Variants in PTPRD observed in about 807,000 individuals in gnomAD.
PTPRD encodes the protein protein tyrosine phosphatase receptor type D.
In PTPRD, 34 loss-of-function variants were observed where a neutral mutation model predicts 214.5. The observed-to-expected ratio is 0.16, with a 90% CI of 0.12 to 0.21. The LOEUF (loss-of-function observed/expected upper bound fraction) is 0.21, where lower values mean the gene tolerates loss of function less well. Among genes scored for constraint, PTPRD ranks in the 10% least tolerant of loss-of-function variants. The pLI is 1.00. For missense variants in PTPRD, 2,545 were observed against 2,398.7 expected (o/e 1.06, Z -1.27); for synonymous variants, 1,128 against 845.7 (o/e 1.33, Z -5.79).
intron 7 of PTPRD, among the ~76,000 whole-genome samples, chr9:9,665,705 T>A (rs541481514): frequency 6.6e-6 from 1 of 151,830 alleles, no homozygotes; most frequent in East Asian, 1.9e-4. Flanking sequence ...TTTATTTATA[T>A]CCTTTTTTCC....
intron 8 of PTPRD, among the ~76,000 whole-genome samples, chr9:9,551,246 C>A (rs1349144681): frequency 6.6e-6 from 1 of 151,896 alleles, no homozygotes; most frequent in Non-Finnish European, 1.5e-5. Context: ...TGAGAAGGAT[C>A]AGTAAATGCT....
chr9:8,589,485 A>G (rs1457433866), intron 14 of PTPRD, among the ~76,000 whole-genome samples: 1 of 152,216 alleles, frequency 6.6e-6, no homozygotes, highest in Non-Finnish European at 1.5e-5. Context: ...AACATGGAAG[A>G]AAAAATATGA....
intron 10 of PTPRD, among the ~76,000 whole-genome samples, chr9:9,024,337 TG>T (rs2099579734): frequency 7.7e-6 from 1 of 130,462 alleles, no homozygotes; most frequent in South Asian, 2.4e-4. Context: ...GTCGATTCTT[TG>T]TTTTTTTTTG....
intron 2 of PTPRD, among the ~76,000 whole-genome samples, chr9:10,581,824 T>C (rs572867913): frequency 6.6e-6 from 1 of 152,286 alleles, no homozygotes; most frequent in South Asian, 2.1e-4. Flanking sequence ...ACTTAAGTTC[T>C]CCACAGACAG....
At chr9:9,197,849 C>G (rs901906593) in intron 9 of PTPRD, among the ~76,000 whole-genome samples, 1 of 152,064 alleles carries the variant, frequency 6.6e-6, no homozygotes, top group Non-Finnish European at 1.5e-5. Flanking sequence ...TACTTTTTAT[C>G]TTTTTCTTTA....
chr9:8,341,797 A>C lies in PTPRD; in HGVS notation c.4843T>G (p.Cys1615Gly). 1 of 1,613,614 alleles carries C rather than the reference A, an allele frequency of 6.2e-7. No homozygotes were observed. Among genetic ancestry groups the C allele is most frequent in the East Asian group, 2.2e-5 (1 of 44,818 alleles). ...CTAGCTGGCACTTCGGTATTTCCAC[A>C]AGTCACTGCTTCTAACAGTGCATCA... The part of the protein sequence containing the change: ...IHDALLEAVT[C>G]GNTEVPARNL... Residue 1615 changes from cysteine (C) to glycine (G), a missense_variant, in exon 40 of 46, where the codon TGT becomes GGT. Physicochemically the swap from Cys to Gly is radical, Grantham distance 159. Coordinates refer to ENST00000381196, the MANE Select transcript of PTPRD (RefSeq NM_002839.4).
chr9:9,043,314 A>G (rs1049670267), intron 10 of PTPRD, among the ~76,000 whole-genome samples: 1 of 152,188 alleles, frequency 6.6e-6, no homozygotes, highest in Admixed American at 6.5e-5. Context: ...CTGATGCTAC[A>G]TCAACCCACA....
chr9:9,601,069 G>A (rs2093707579), intron 7 of PTPRD, among the ~76,000 whole-genome samples: 2 of 143,684 alleles, frequency 1.4e-5, no homozygotes, highest in South Asian at 4.6e-4. Flanking sequence ...AAAACTCATT[G>A]GTATCACACA....
chr9:10,172,036 T>C (rs1238691192), intron 3 of PTPRD, among the ~76,000 whole-genome samples: 2 of 152,196 alleles, frequency 1.3e-5, no homozygotes, highest in Non-Finnish European at 2.9e-5. Context: ...TTCCAAAGAT[T>C]GGTTGGTAAA....
chr9:9,382,364 G>T lies in PTPRD; in HGVS notation c.-203+15085C>A, dbSNP rs184916577. 5.7e-4 allele frequency among the ~76,000 whole-genome samples: 86 copies of T among 152,050 alleles called. 1 individual carries two copies. The highest frequency in any genetic ancestry group is 5.0e-3 in the Admixed American group (76 of 15,258). On this transcript the variant is annotated intron_variant, in intron 9 of 45. Coordinates refer to ENST00000381196, the MANE Select transcript of PTPRD (RefSeq NM_002839.4). ...GGCAACAAAGCTTATGCACAGCAAA[G>T]AAATAATCAACAAAATTAAAAAGGT...
chr9:8,821,854 G>A lies in PTPRD; in HGVS notation c.-103-87908C>T, dbSNP rs529012686. Among the ~76,000 whole-genome samples, 30 of 152,166 alleles carry A rather than the reference G, an allele frequency of 2.0e-4. 1 individual carries two copies. The highest frequency in any genetic ancestry group is 1.8e-3 in the Admixed American group (28 of 15,276). On this transcript the variant is annotated intron_variant, in intron 11 of 45. Transcript: ENST00000381196. ...TAATTTTTGTATTTTTAGTAGAGAC[G>A]GGGTTTCACCATCTTGGCCAGGCTG...
intron 9 of PTPRD, among the ~76,000 whole-genome samples, chr9:9,327,368 G>T (rs981887142): frequency 6.6e-6 from 1 of 152,014 alleles, no homozygotes; most frequent in East Asian, 1.9e-4. Context: ...TAAAACAACC[G>T]AAATGGAAAC....
chr9:8,638,675 A>C (rs947078461), intron 12 of PTPRD, among the ~76,000 whole-genome samples: 1 of 152,062 alleles, frequency 6.6e-6, no homozygotes, highest in Non-Finnish European at 1.5e-5. Flanking sequence ...CTTGTTGGTG[A>C]TCCTGGAACT....
chr9:9,560,363 T>C (rs774030119), intron 8 of PTPRD, among the ~76,000 whole-genome samples: 2 of 152,190 alleles, frequency 1.3e-5, no homozygotes, highest in African/African-American at 2.4e-5. Flanking sequence ...AAATGTTGCA[T>C]CTTGCAGGGA....
intron 4 of PTPRD, among the ~76,000 whole-genome samples, chr9:9,949,411 T>C (rs550957649): frequency 1.3e-5 from 2 of 152,264 alleles, no homozygotes; most frequent in South Asian, 2.1e-4. Flanking sequence ...TATTTTTAAA[T>C]TTAGTTGATT....
chr9:9,864,091 G>A (rs1023446361), intron 5 of PTPRD, among the ~76,000 whole-genome samples: 5 of 152,170 alleles, frequency 3.3e-5, no homozygotes, highest in African/African-American at 9.7e-5. Context: ...GAACATTTGA[G>A]GTCAGGAGTT....
chr9:9,172,695 C>A (rs1221374597), intron 10 of PTPRD, among the ~76,000 whole-genome samples: 1 of 152,082 alleles, frequency 6.6e-6, no homozygotes, highest in Non-Finnish European at 1.5e-5. Context: ...TTCTTGGCCC[C>A]TCTCCTCTAT....
intron 7 of PTPRD, among the ~76,000 whole-genome samples, chr9:9,722,390 G>C (rs79516398): frequency 3.9e-5 from 6 of 152,020 alleles, no homozygotes; most frequent in Non-Finnish European, 7.4e-5. Flanking sequence ...ATTACAGCAC[G>C]TAACAGTACT....
chr9:8,526,575 G>T (rs1393729719), intron 17 of PTPRD, 52 bp downstream of exon 17: 2 of 1,464,664 alleles, frequency 1.4e-6, no homozygotes, highest in Non-Finnish European at 1.8e-6. Flanking sequence ...GGGATGAAAG[G>T]ACAGAAAGAA....
Sources: gnomAD v4.1 joint callset for allele counts (sites outside exome capture counted in the v4.1 genomes callset) on GRCh38, gnomAD v4.1.1 for gene constraint, MANE v1.5 for transcripts, NCBI Gene and HGNC (gene_info 2026-07-23, HGNC 2026-07-21) for gene names.